Variants in NPAS3 observed in about 807,000 individuals in gnomAD.
NPAS3 encodes the protein neuronal PAS domain-containing protein 3.
In NPAS3, 14 loss-of-function variants were observed where a neutral mutation model predicts 73.1. The observed-to-expected ratio is 0.19, with a 90% CI of 0.13 to 0.30. NPAS3 has a LOEUF of 0.30. Ranked by LOEUF, NPAS3 falls within the 10% of genes least tolerant of loss-of-function variation. The pLI, the probability that NPAS3 is intolerant of heterozygous loss-of-function variation, is 1.00. For synonymous variants in NPAS3, 620 were observed against 541.5 expected, an observed-to-expected ratio of 1.14 and a Z score of -2.01; for missense variants, 1,096 against 1,250.0, an observed-to-expected ratio of 0.88 and a Z score of 1.86.
At chr14:33,421,913 CT>C in intron 4 of NPAS3, among the ~76,000 whole-genome samples, 1 of 152,040 alleles carries the variant, frequency 6.6e-6, no homozygotes, top group South Asian at 2.1e-4. Context: ...AATGAAACCA[CT>C]TCTTTAACTG....
At chr14:33,106,784 A>G (rs2042734925) in intron 2 of NPAS3, among the ~76,000 whole-genome samples, 3 of 152,184 alleles carry the variant, frequency 2.0e-5, no homozygotes, top group South Asian at 4.1e-4. Context: ...CTTGGTTCAT[A>G]CTATAAATTA....
At chr14:33,548,915 A>G (rs1340595767) in intron 4 of NPAS3, among the ~76,000 whole-genome samples, 2 of 152,252 alleles carry the variant, frequency 1.3e-5, no homozygotes, top group Non-Finnish European at 2.9e-5. Context: ...TTATCTGGAC[A>G]AAAGCTATTG....
intron 5 of NPAS3, among the ~76,000 whole-genome samples, chr14:33,563,006 G>C (rs1242040347): frequency 6.6e-6 from 1 of 151,916 alleles, no homozygotes; most frequent in African/African-American, 2.4e-5. Flanking sequence ...CAGTGATAAG[G>C]AATCTGTAAA....
chr14:33,644,205 A>G (rs1029251815), intron 5 of NPAS3, among the ~76,000 whole-genome samples: 9 of 152,242 alleles, frequency 5.9e-5, no homozygotes, highest in Non-Finnish European at 8.8e-5. Context: ...GCCTTTTGCC[A>G]TTGAAAATGT....
intron 3 of NPAS3, among the ~76,000 whole-genome samples, chr14:33,277,680 G>A (rs570188844): frequency 7.9e-5 from 12 of 152,260 alleles, no homozygotes; most frequent in East Asian, 7.7e-4. Flanking sequence ...CACTGAGGGG[G>A]CAACATGCAG....
chr14:33,474,396 GA>G (rs1254177135), intron 4 of NPAS3, among the ~76,000 whole-genome samples: 3 of 152,016 alleles, frequency 2.0e-5, no homozygotes, highest in Admixed American at 2.0e-4. Flanking sequence ...AATAATCAAG[GA>G]AACTGCCTAT....
intron 4 of NPAS3, among the ~76,000 whole-genome samples, chr14:33,457,341 A>G (rs2050068822): frequency 6.6e-6 from 1 of 152,238 alleles, no homozygotes. Flanking sequence ...TGAGAGTGAA[A>G]TAGTACTAAC....
chr14:33,641,759 A>G (rs2058681744), intron 5 of NPAS3, among the ~76,000 whole-genome samples: 1 of 151,986 alleles, frequency 6.6e-6, no homozygotes, highest in African/African-American at 2.4e-5. Flanking sequence ...CATGAAAAAT[A>G]TATTACTATT....
intron 5 of NPAS3, among the ~76,000 whole-genome samples, chr14:33,580,634 A>G (rs2056627391): frequency 6.6e-6 from 1 of 152,146 alleles, no homozygotes; most frequent in African/African-American, 2.4e-5. Flanking sequence ...TTTACAACTG[A>G]GGAAATAATC....
rs1237982841 is a variant in NPAS3, at chr14:33,607,659, T to C, written c.558+47449T>C. On this transcript the variant is annotated intron_variant, in intron 5 of 11. Coordinates refer to ENST00000356141, the Ensembl canonical transcript of NPAS3. The stretch of plus-strand genomic sequence containing the variant: ...GGTAGATACTTTAAATATATGCAGC[T>C]TATTCTTTGTCAGTTGTACCTCTAA... 2.0e-5 allele frequency among the ~76,000 whole-genome samples: 3 copies of C among 152,196 alleles called. No homozygotes were observed. In the East Asian group the frequency reaches 5.8e-4, roughly 29 times the overall value.
intron 5 of NPAS3, among the ~76,000 whole-genome samples, chr14:33,607,919 T>C (rs2057627897): frequency 6.6e-6 from 1 of 152,038 alleles, no homozygotes; most frequent in Non-Finnish European, 1.5e-5. Flanking sequence ...ACCATCAGAC[T>C]GCTTGAGAAC....
At chr14:33,653,690 C>T (rs1321060353) in intron 5 of NPAS3, among the ~76,000 whole-genome samples, 3 of 152,330 alleles carry the variant, frequency 2.0e-5, no homozygotes, top group African/African-American at 4.8e-5. Context: ...GACTCACAAT[C>T]GTGAAGGTCA....
At chr14:33,159,190 T>G (rs1048472233) in intron 2 of NPAS3, among the ~76,000 whole-genome samples, 1 of 152,048 alleles carries the variant, frequency 6.6e-6, no homozygotes, top group African/African-American at 2.4e-5. Flanking sequence ...AAAATTAAAT[T>G]AAAAACCAAA....
chr14:33,799,678 GTCTTCTCTC>G (rs1184397764), intron 11 of NPAS3, 47 bp from the exon 12 acceptor site: 3 of 1,537,322 alleles, frequency 2.0e-6, no homozygotes, highest in Non-Finnish European at 8.7e-7. Flanking sequence ...CTAACCTGGT[GTCTTCTCTC>G]TCTTCTCTCT....
At chr14:33,314,753 A>C (rs867816873) in intron 3 of NPAS3, among the ~76,000 whole-genome samples, 9 of 152,062 alleles carry the variant, frequency 5.9e-5, no homozygotes, top group African/African-American at 2.2e-4. Context: ...TACCTTTACT[A>C]TCTAACCATT....
chr14:33,484,572 C>T (rs185502851), intron 4 of NPAS3, among the ~76,000 whole-genome samples: 1 of 152,168 alleles, frequency 6.6e-6, no homozygotes, highest in Non-Finnish European at 1.5e-5. Context: ...GAATCCCCCA[C>T]ATTTGTGAAT....
In NPAS3 at chr14:33,184,320, T is replaced by C. The variant is rs1023165951; in HGVS notation, c.141-30862T>C. Among the ~76,000 whole-genome samples, 3 of 152,024 alleles carry C rather than the reference T, an allele frequency of 2.0e-5. No individual in the cohort carries two copies. In the South Asian group the frequency reaches 6.2e-4, roughly 32 times the overall value. On this transcript the variant is annotated intron_variant, in intron 2 of 11. Coordinates refer to ENST00000356141, the Ensembl canonical transcript of NPAS3. ...GAGATGATGCTAGCAGGAGAGGCCCTGGAGAGGAGAGTGAGAGAAGGGCTG... is the reference window on the plus strand; with the variant it reads ...GAGATGATGCTAGCAGGAGAGGCCCCGGAGAGGAGAGTGAGAGAAGGGCTG...
chr14:33,304,062 C>A (rs2042661962), intron 3 of NPAS3, among the ~76,000 whole-genome samples: 1 of 152,188 alleles, frequency 6.6e-6, no homozygotes, highest in Non-Finnish European at 1.5e-5. Context: ...TGCCCGCAAC[C>A]ACGCCCGACC....
At chr14:33,417,011 A>G (rs1012140414) in intron 4 of NPAS3, among the ~76,000 whole-genome samples, 9 of 151,950 alleles carry the variant, frequency 5.9e-5, no homozygotes, top group Non-Finnish European at 1.5e-5. Flanking sequence ...TAGCTTTTAT[A>G]TTTATATGAT....
Sources: allele counts gnomAD v4.1 joint callset (sites outside exome capture counted in the v4.1 genomes callset), GRCh38; gene constraint gnomAD v4.1.1; transcripts MANE v1.5; gene names NCBI Gene and HGNC (gene_info 2026-07-23, HGNC 2026-07-21).